Variants in DNAH8 observed in about 807,000 individuals in gnomAD.
The protein encoded by DNAH8 is dynein axonemal heavy chain 8, also known as axonemal beta dynein heavy chain 8.
In DNAH8, 382 loss-of-function variants were observed where a neutral mutation model predicts 562.1. That is an observed-to-expected ratio of 0.68 (90% CI 0.63 to 0.74). The LOEUF (loss-of-function observed/expected upper bound fraction) is 0.74, where lower values mean the gene tolerates loss of function less well. DNAH8 is among the 30% of genes least tolerant of loss of function. The pLI is 0.00. For synonymous variants in DNAH8, 1,881 were observed against 1,919.4 expected (o/e 0.98, Z 0.52); for missense variants, 5,203 against 5,620.4 (o/e 0.93, Z 2.37).
intron 82 of DNAH8, among the ~76,000 whole-genome samples, chr6:38,960,913 G>A (rs968412034): frequency 1.3e-5 from 2 of 151,930 alleles, no homozygotes; most frequent in Admixed American, 1.3e-4. Flanking sequence ...ATTCATAAAA[G>A]CCAAGATATA....
Position 38,951,480 on chromosome 6 carries a change from C to T in DNAH8, c.12411C>T (p.Pro4137=), listed in dbSNP as rs1331672007. The T allele has an allele frequency of 1.2e-6, 2 of 1,613,928 alleles. No individual in the cohort carries two copies. The highest frequency in any genetic ancestry group is 2.7e-5 in the African/African-American group (2 of 74,908). Residue 4137 remains proline (P), a synonymous_variant, in exon 82 of 93, where the codon CCC becomes CCT. Transcript: ENST00000327475. ...GCTTCCTGTCCATGGGATCTGACCC[C>T]ACCAATCAAATTGATGCATTGGCCA... ...LICFLSMGSD[P]TNQIDALAKK...
intron 91 of DNAH8, among the ~76,000 whole-genome samples, chr6:39,023,971 A>G (rs1445485450): frequency 6.6e-6 from 1 of 152,222 alleles, no homozygotes; most frequent in Admixed American, 6.5e-5. Flanking sequence ...GCTGCCCAAC[A>G]TCATTCCCAT....
At chr6:38,814,190 C>CCTG in intron 25 of DNAH8, 61 bp downstream of exon 25, 1 of 960,558 alleles carries the variant, frequency 1.0e-6, no homozygotes, top group Admixed American at 2.4e-5. Flanking sequence ...AGTACTAGAA[C>CCTG]TGAGCTTTCA....
intron 82 of DNAH8, among the ~76,000 whole-genome samples, chr6:38,959,330 G>C (rs971813030): frequency 3.3e-5 from 5 of 152,138 alleles, no homozygotes; most frequent in African/African-American, 1.2e-4. Flanking sequence ...AAAAGAGGAA[G>C]TCAAATTGTC....
At chr6:39,011,154 C>T (rs1203533162) in intron 89 of DNAH8, among the ~76,000 whole-genome samples, 1 of 149,070 alleles carries the variant, frequency 6.7e-6, no homozygotes, top group Non-Finnish European at 1.5e-5. Context: ...CTTTCACTCA[C>T]TAGAAACAAC....
At chr6:38,991,031 T>A (rs1764750424) in intron 88 of DNAH8, among the ~76,000 whole-genome samples, 1 of 152,352 alleles carries the variant, frequency 6.6e-6, no homozygotes, top group South Asian at 2.1e-4. Context: ...TCTCTCCTAG[T>A]CCCTGGCCTA....
intron 69 of DNAH8, 147 bp from the exon 70 acceptor site, chr6:38,917,778 A>G: frequency 1.7e-6 from 1 of 599,326 alleles, no homozygotes; most frequent in Non-Finnish European, 2.8e-6. Flanking sequence ...TTACAGATTT[A>G]GGTTGGCTAC....
chr6:38,774,371 G>A (rs891990446), intron 12 of DNAH8, among the ~76,000 whole-genome samples: 17 of 152,114 alleles, frequency 1.1e-4, no homozygotes, highest in South Asian at 4.1e-4. Context: ...TTGGTGAGCC[G>A]GAGGAGAGAC....
intron 62 of DNAH8, among the ~76,000 whole-genome samples, chr6:38,901,594 A>C (rs1310675934): frequency 2.6e-5 from 4 of 152,002 alleles, no homozygotes; most frequent in Non-Finnish European, 4.4e-5. Context: ...TATATATTTA[A>C]ATTTAACATA....
Position 38,815,758 on chromosome 6 carries a change from A to T in DNAH8, c.3523+101A>T, listed in dbSNP as rs1371584458. ...TATATGTTTGATACCTTTTGCATTT[A>T]AAAAATAGTATGTTTCATCTTAAAC... On this transcript the variant is annotated intron_variant, in intron 26 of 92. Coordinates refer to ENST00000327475, the MANE Select transcript of DNAH8 (RefSeq NM_001206927.2). The T allele has an allele frequency of 9.9e-6, 11 of 1,112,136 alleles. No individual in the cohort carries two copies. The East Asian group carries it at 2.4e-4, about 24-fold the overall frequency. 68.9% of individuals were successfully genotyped at this position (1,112,136 alleles called of 1,614,324 possible).
chr6:38,735,717 C>T (rs992188561), intron 5 of DNAH8, among the ~76,000 whole-genome samples: 1 of 152,150 alleles, frequency 6.6e-6, no homozygotes, highest in Admixed American at 6.5e-5. Flanking sequence ...TAGTATAAGT[C>T]TTTCATAACC....
chr6:39,030,149 G>A lies in DNAH8; in HGVS notation c.13881G>A (p.Trp4627Ter). The A allele has an allele frequency of 6.2e-7, 1 of 1,614,008 alleles. No individual in the cohort carries two copies. Among genetic ancestry groups the A allele is most frequent in the Non-Finnish European group, 8.5e-7 (1 of 1,179,978 alleles). The change falls in exon 93 of 93, where the codon TGG becomes TGA. Residue 4627 changes from tryptophan to a stop codon, truncating the protein, a stop_gained. Transcript: ENST00000327475. LOFTEE classifies it high-confidence loss of function. ...IYGLYMDGAA[W>*]DRRNGKLMES... ...GGCTCTACATGGATGGAGCAGCCTG[G>A]GACAGACGGAATGGGAAGCTCATGG...
At chr6:38,915,891 T>C (rs1055042294) in intron 68 of DNAH8, among the ~76,000 whole-genome samples, 13 of 152,062 alleles carry the variant, frequency 8.5e-5, no homozygotes, top group Admixed American at 1.3e-4. Flanking sequence ...TATGTGCATG[T>C]ATATATATGT....
In DNAH8 at chr6:38,911,575, G is replaced by A. The variant is rs540958336; in HGVS notation, c.9848G>A (p.Arg3283His). 1.1e-5 allele frequency: 17 copies of A among 1,594,298 alleles called. No individual in the cohort carries two copies. In the East Asian group the frequency reaches 1.1e-4, roughly 10 times the overall value. ...KVKFINEQAE[R>H]MNIGLDKLME... ...AAGTTCATTAATGAACAGGCTGAAC[G>A]TATGAATATTGGTAAGAGGAATGGA... Residue 3283 changes from arginine (R) to histidine (H), a missense_variant, in exon 66 of 93, where the codon CGT becomes CAT. By Grantham distance (29) the Arg-to-His change is conservative. Around this residue, in one of 6 missense-constraint regions of DNAH8, gnomAD observed 977 missense variants for 1,061.8 expected, o/e 0.92. Transcript: ENST00000327475.
At chr6:38,848,315 T>C (rs1475303181) in intron 36 of DNAH8, among the ~76,000 whole-genome samples, 1 of 152,164 alleles carries the variant, frequency 6.6e-6, no homozygotes, top group Non-Finnish European at 1.5e-5. Flanking sequence ...GTTCACAGAC[T>C]TTTTGGAAAA....
intron 26 of DNAH8, among the ~76,000 whole-genome samples, chr6:38,817,402 T>C (rs1772383581): frequency 6.6e-6 from 1 of 152,088 alleles, no homozygotes; most frequent in Non-Finnish European, 1.5e-5. Context: ...ACCAGGTGGC[T>C]CAGACCCCTA....
rs200423630 is a variant in DNAH8 at position 38,737,966 on chromosome 6, C to T, written c.1110C>T (p.Ile370=). The T allele has an allele frequency of 1.0e-4, 167 of 1,610,158 alleles. 1 individual carries two copies. In the East Asian group the frequency reaches 2.7e-3, roughly 26 times the overall value. ...EEVLMVWYKQ[I]EQVLIESEQM... ...TGCTGATGGTATGGTACAAACAGAT[C>T]GAACAGGTGAATTGACTCAAACAAT... is the stretch of plus-strand genomic sequence containing the variant. Residue 370 remains isoleucine (I), a synonymous_variant, in exon 7 of 93, where the codon ATC becomes ATT. Transcript: ENST00000327475.
chr6:38,853,321 C>T lies in DNAH8; in HGVS notation c.5707C>T (p.Pro1903Ser). The change falls in exon 41 of 93, where the codon CCA (proline) becomes TCA (serine). Residue 1903 changes from proline to serine, a missense_variant. This residue lies in a region of DNAH8 where 2,176 missense variants were observed against 2,365.1 expected (regional missense o/e 0.92). Coordinates refer to ENST00000327475, the MANE Select transcript of DNAH8 (RefSeq NM_001206927.2). Reference protein sequence around the residue: ...QISDSGFQLLPFLSHFPAQVG... With the variant: ...QISDSGFQLLSFLSHFPAQVG... ...CAGTGATTCAGGATTTCAACTCTTA[C>T]CATTCCTCAGCCACTTTCCAGCACA... 1 of 1,613,378 alleles carries T rather than the reference C, an allele frequency of 6.2e-7. No individual in the cohort carries two copies. Among genetic ancestry groups the T allele is most frequent in the Non-Finnish European group, 8.5e-7 (1 of 1,179,738 alleles).
At chr6:39,017,643 A>AT in intron 91 of DNAH8, among the ~76,000 whole-genome samples, 1 of 151,630 alleles carries the variant, frequency 6.6e-6, no homozygotes, top group Non-Finnish European at 1.5e-5. Flanking sequence ...TTTTTCTGTT[A>AT]TTTTTTTCTC....
Sources: gnomAD v4.1 joint callset for allele counts (sites outside exome capture counted in the v4.1 genomes callset) on GRCh38, gnomAD v4.1.1 for gene constraint, gnomAD v4.1.1 regional missense constraint, MANE v1.5 for transcripts, NCBI Gene and HGNC (gene_info 2026-07-23, HGNC 2026-07-21) for gene names.